The following LUC7L variants were observed in gnomAD, a reference collection of about 807,000 sequenced individuals.
The protein encoded by LUC7L is putative RNA-binding protein Luc7-like 1.
Under a neutral mutation model 51.1 loss-of-function variants are expected in LUC7L, and 29 were observed. The observed-to-expected ratio is 0.57, with a 90% confidence interval of 0.42 to 0.77. LUC7L has a LOEUF of 0.77. LUC7L is among the 30% of genes least tolerant of loss of function. The pLI, the probability that LUC7L is intolerant of heterozygous loss-of-function variation, is 0.00. For synonymous variants in LUC7L, 181 were observed against 180.7 expected (o/e 1.00, Z -0.01); for missense variants, 403 against 511.9 (o/e 0.79, Z 2.05).
At chr16:222,929 T>TG (rs2050015193) in intron 2 of LUC7L, among the ~76,000 whole-genome samples, 2 of 146,216 alleles carry the variant, frequency 1.4e-5, no homozygotes, top group East Asian at 4.1e-4. Context: ...CTCGCCCAGC[T>TG]TTTTAAAGAG....
At chr16:224,568 G>C (rs1228894427) in intron 2 of LUC7L, among the ~76,000 whole-genome samples, 5 of 151,774 alleles carry the variant, frequency 3.3e-5, no homozygotes, top group Admixed American at 2.0e-4. Context: ...GGTGGCTCAT[G>C]CCTGTAATCC....
At chr16:205,514 TGAG>T (rs896937184) in intron 5 of LUC7L, among the ~76,000 whole-genome samples, 6 of 152,222 alleles carry the variant, frequency 3.9e-5, no homozygotes, top group African/African-American at 1.2e-4. Context: ...GGAGGCTGTC[TGAG>T]GAGAGGGTAC....
chr16:208,628 T>C (rs755045027), intron 3 of LUC7L: 3 of 991,700 alleles, frequency 3.0e-6, no homozygotes, highest in Admixed American at 6.1e-5. Context: ...GTAAATATTA[T>C]TCCCTCATGT....
At chr16:219,257 C>T (rs1351758417) in intron 3 of LUC7L, among the ~76,000 whole-genome samples, 2 of 151,976 alleles carry the variant, frequency 1.3e-5, no homozygotes, top group African/African-American at 4.8e-5. Context: ...GGCATGGTGG[C>T]GCATGCCTGT....
In LUC7L at chr16:205,194, T is replaced by C. The variant is rs368184083; in HGVS notation, c.510+810A>G. ...GCGTTTGCATGTAGCCTCTTCTTTT[T>C]TAGAGACAGGGTCTTGCTATGTTAT... On this transcript the variant is annotated intron_variant, in intron 5 of 9. Coordinates refer to ENST00000293872, the MANE Select transcript of LUC7L (RefSeq NM_201412.3). 2.0e-5 allele frequency among the ~76,000 whole-genome samples: 3 copies of C among 152,350 alleles called. No homozygotes were observed. The South Asian group carries it at 6.2e-4, about 32-fold the overall frequency.
At chr16:205,028 G>C (rs1260586486) in intron 5 of LUC7L, among the ~76,000 whole-genome samples, 1 of 152,160 alleles carries the variant, frequency 6.6e-6, no homozygotes, top group Non-Finnish European at 1.5e-5. Context: ...CCACACAATG[G>C]CAACAGGAAG....
chr16:217,707 C>CA (rs1244195088), intron 3 of LUC7L, among the ~76,000 whole-genome samples: 183 of 105,194 alleles, frequency 1.7e-3, no homozygotes, highest in South Asian at 5.4e-3. Flanking sequence ...GACTCTGTTT[C>CA]AAAAAAAAAA....
At chr16:221,186 A>ATT (rs372906826) in intron 2 of LUC7L, among the ~76,000 whole-genome samples, 15,056 of 99,710 alleles carry the variant, frequency 0.15, 1,855 homozygotes, top group Non-Finnish European at 0.21. Flanking sequence ...CACCCAGCTA[A>ATT]TTTTTTTTTT....
intron 1 of LUC7L, chr16:227,834 A>C: frequency 1.0e-6 from 1 of 999,544 alleles, no homozygotes; most frequent in Non-Finnish European, 1.2e-6. Context: ...ACTGTTAAAT[A>C]ATCTAGATCT....
chr16:189,311 CCT>C lies in LUC7L; in HGVS notation c.1001_1002del (p.Glu334GlyfsTer18), dbSNP rs762347922. On this transcript the variant is annotated frameshift_variant, in exon 10 of 10. Coordinates refer to ENST00000293872, the MANE Select transcript of LUC7L (RefSeq NM_201412.3). LOFTEE classifies it high-confidence loss of function. ...YKFSRERASREESWESGRSER... is the reference protein window; with the variant it reads ...YKFSRERASRXESWESGRSER... ...TCGCTCCGCCCGCTCTCCCAGGACT[CCT>C]CTCTGGATGCCCGCTCTCTGGAGAA... 2.5e-6 allele frequency: 4 copies of C among 1,612,688 alleles called. No individual in the cohort carries two copies. The highest frequency in any genetic ancestry group is 1.7e-5 in the Admixed American group (1 of 59,898).
chr16:202,199 G>C (rs1241699746), intron 5 of LUC7L, among the ~76,000 whole-genome samples: 1 of 151,828 alleles, frequency 6.6e-6, no homozygotes, highest in Non-Finnish European at 1.5e-5. Context: ...TTTTACGCTG[G>C]GCAGAAGGCA....
intron 5 of LUC7L, among the ~76,000 whole-genome samples, chr16:199,546 C>A (rs551044893): frequency 6.6e-6 from 1 of 151,192 alleles, no homozygotes; most frequent in Admixed American, 6.6e-5. Context: ...CTGAGGCTGG[C>A]GGATCACCTG....
Position 229,407 on chromosome 16 carries a change from G to A in LUC7L, c.-68C>T, listed in dbSNP as rs903653821. The A allele has an allele frequency of 6.0e-5, 81 of 1,357,460 alleles. 2 individuals are homozygous for A. The highest frequency in any genetic ancestry group is 4.4e-4 in the South Asian group (30 of 68,706). The allele number at this position is 1,357,460 out of a possible 1,614,324, so 84.1% of individuals were successfully genotyped here. A position where few individuals can be genotyped will look rare whatever the true frequency, so the allele number is the denominator to read the frequency against. On this transcript the variant is annotated 5_prime_UTR_variant, in exon 1 of 10. Coordinates refer to ENST00000293872, the MANE Select transcript of LUC7L (RefSeq NM_201412.3). ...TCAGGCAGGCGGTGGCAGCGGCGTC[G>A]ACAAACGATGGTCGCGTCGGCCTCG...
chr16:198,937 C>G lies in LUC7L; in HGVS notation c.687+125G>C, dbSNP rs1003483249. 4.4e-6 allele frequency: 4 copies of G among 903,930 alleles called. No homozygotes were observed. The African/African-American group carries it at 6.7e-5, about 15-fold the overall frequency. The allele number at this position is 903,930 out of a possible 1,614,324, so 56.0% of individuals were successfully genotyped here. On this transcript the variant is annotated intron_variant, in intron 6 of 9. Transcript: ENST00000293872. ...TCAGGTGATTCGCCCACCTCGGCCT[C>G]CCAAAGTGCTGGGATTATAGGCATC...
intron 6 of LUC7L, 74 bp from the exon 7 acceptor site, chr16:193,089 C>T (rs2049053754): frequency 1.8e-6 from 2 of 1,117,382 alleles, no homozygotes; most frequent in Admixed American, 1.7e-5. Flanking sequence ...TAACAAATCA[C>T]CTTTATATGA....
At chr16:227,609 C>T in intron 1 of LUC7L, 1 of 1,255,384 alleles carries the variant, frequency 8.0e-7, no homozygotes, top group Non-Finnish European at 1.0e-6. Flanking sequence ...CAGCTGAGCA[C>T]CAAAAGGCCA....
chr16:201,470 C>T (rs905756173), intron 5 of LUC7L, among the ~76,000 whole-genome samples: 33 of 149,992 alleles, frequency 2.2e-4, no homozygotes, highest in Non-Finnish European at 4.4e-4. Flanking sequence ...GACGGAGTCT[C>T]GCTCTGTCGC....
rs2048963492 is a variant in LUC7L at position 189,877 on chromosome 16, A to G, written c.974+91T>C. 4 of 1,534,280 alleles carry G rather than the reference A, an allele frequency of 2.6e-6. No individual in the cohort carries two copies. The South Asian group carries it at 3.8e-5, about 14-fold the overall frequency. ...TACTCCTGAGGGTGAGCCCAGCCCC[A>G]TCCCCACCAGACACGGCCCTCAGCA... On this transcript the variant is annotated intron_variant, in intron 9 of 9. Coordinates refer to ENST00000293872, the MANE Select transcript of LUC7L (RefSeq NM_201412.3).
intron 5 of LUC7L, among the ~76,000 whole-genome samples, chr16:203,813 G>A (rs1011286955): frequency 6.6e-6 from 1 of 151,968 alleles, no homozygotes; most frequent in Non-Finnish European, 1.5e-5. Flanking sequence ...TCAGGAGATA[G>A]AGGCCATCCT....
Sources: allele counts gnomAD v4.1 joint callset (sites outside exome capture counted in the v4.1 genomes callset), GRCh38; gene constraint gnomAD v4.1.1; transcripts MANE v1.5; gene names NCBI Gene and HGNC (gene_info 2026-07-23, HGNC 2026-07-21).